The following NTNG1 variants were observed in gnomAD, a reference collection of about 807,000 sequenced individuals.
The protein encoded by NTNG1 is netrin G1, also known as netrin-G1.
NTNG1 carries 16 observed loss-of-function variants against 54.0 expected under a neutral mutation model. That is an observed-to-expected ratio of 0.30 (90% confidence interval 0.20 to 0.45). The LOEUF (loss-of-function observed/expected upper bound fraction) is 0.45, where lower values mean the gene tolerates loss of function less well. NTNG1 is among the 20% of genes least tolerant of loss of function. The probability of loss-of-function intolerance (pLI) is 1.00; values close to 1 mark genes in which losing one functional copy is unlikely to be tolerated. For missense variants in NTNG1, 530 were observed against 678.7 expected (o/e 0.78, Z 2.43); for synonymous variants, 255 against 263.1 (o/e 0.97, Z 0.30).
chr1:107,461,161 T>A (rs1251076123), intron 7 of NTNG1, among the ~76,000 whole-genome samples: 1 of 152,200 alleles, frequency 6.6e-6, no homozygotes, highest in Non-Finnish European at 1.5e-5. Context: ...TAGACCCTGC[T>A]CTCAAGGAGC....
intron 2 of NTNG1, among the ~76,000 whole-genome samples, chr1:107,160,361 A>G (rs752432509): frequency 2.6e-5 from 4 of 152,138 alleles, no homozygotes; most frequent in Non-Finnish European, 1.5e-5. Context: ...TCGTCAAGAT[A>G]TATTGCAAAT....
At chr1:107,307,230 T>G (rs1666747295) in intron 2 of NTNG1, among the ~76,000 whole-genome samples, 1 of 152,236 alleles carries the variant, frequency 6.6e-6, no homozygotes. Flanking sequence ...TGTAAGAGAA[T>G]GGCTTATTCT....
intron 2 of NTNG1, among the ~76,000 whole-genome samples, chr1:107,168,961 A>C (rs1476107199): frequency 6.6e-6 from 1 of 152,128 alleles, no homozygotes; most frequent in Non-Finnish European, 1.5e-5. Flanking sequence ...TTTTCTATTC[A>C]ATCTGTACCC....
intron 3 of NTNG1, among the ~76,000 whole-genome samples, chr1:107,326,460 T>A (rs1008939845): frequency 6.6e-6 from 1 of 152,108 alleles, no homozygotes; most frequent in African/African-American, 2.4e-5. Flanking sequence ...TTATGAACAT[T>A]TTAGCAAAAG....
chr1:107,197,819 G>T (rs929695148), intron 2 of NTNG1, among the ~76,000 whole-genome samples: 9 of 151,960 alleles, frequency 5.9e-5, no homozygotes, highest in African/African-American at 2.2e-4. Flanking sequence ...ATAATCTGGT[G>T]CACCATGGTG....
chr1:107,240,747 A>C (rs556980047), intron 2 of NTNG1, among the ~76,000 whole-genome samples: 59 of 152,326 alleles, frequency 3.9e-4, no homozygotes, highest in African/African-American at 1.4e-3. Context: ...ACTATATGCA[A>C]TATGAACACA....
intron 2 of NTNG1, among the ~76,000 whole-genome samples, chr1:107,257,885 A>C (rs1012518632): frequency 6.6e-6 from 1 of 152,216 alleles, no homozygotes; most frequent in Non-Finnish European, 1.5e-5. Flanking sequence ...TTCCACATTA[A>C]TAATCCAGTT....
chr1:107,169,769 C>T (rs970376497), intron 2 of NTNG1, among the ~76,000 whole-genome samples: 1 of 152,196 alleles, frequency 6.6e-6, no homozygotes, highest in Admixed American at 6.5e-5. Flanking sequence ...ATTAAGACAT[C>T]GAATCTTCAC....
rs118177907 is a variant in NTNG1, at chr1:107,204,266, C to T, written c.246+55427C>T. Among the ~76,000 whole-genome samples, 43 of 152,124 alleles carry T rather than the reference C, an allele frequency of 2.8e-4. No individual in the cohort carries two copies. In the East Asian group the frequency reaches 6.6e-3, roughly 23 times the overall value. On this transcript the variant is annotated intron_variant, in intron 2 of 7. Coordinates refer to ENST00000370068, the MANE Select transcript of NTNG1 (RefSeq NM_001113226.3). The stretch of plus-strand genomic sequence containing the variant: ...ATAGCAGATTAGTTGATGCTATTTC[C>T]GTTGAGTCACGACTGTGAATCCCTG...
chr1:107,317,345 C>T (rs1557893972), intron 2 of NTNG1, among the ~76,000 whole-genome samples: 1 of 152,126 alleles, frequency 6.6e-6, no homozygotes. Flanking sequence ...GTGAAATACT[C>T]TATGAAACCC....
chr1:107,329,229 G>C (rs909815677), intron 3 of NTNG1, among the ~76,000 whole-genome samples: 11 of 152,254 alleles, frequency 7.2e-5, no homozygotes, highest in African/African-American at 2.4e-4. Flanking sequence ...GGCTGCCCCT[G>C]CTCAGAATCA....
chr1:107,354,907 G>T (rs961394621), intron 3 of NTNG1, among the ~76,000 whole-genome samples: 1 of 152,074 alleles, frequency 6.6e-6, no homozygotes, highest in Admixed American at 6.5e-5. Context: ...AGTGTGATGG[G>T]TTTGACATTA....
intron 3 of NTNG1, among the ~76,000 whole-genome samples, chr1:107,329,922 T>C (rs766702458): frequency 1.8e-4 from 27 of 151,942 alleles, no homozygotes; most frequent in Non-Finnish European, 2.9e-4. Context: ...AAAATGATGA[T>C]AATGTGGGTT....
intron 5 of NTNG1, among the ~76,000 whole-genome samples, chr1:107,414,143 T>C (rs1024173018): frequency 6.6e-6 from 1 of 152,184 alleles, no homozygotes; most frequent in African/African-American, 2.4e-5. Flanking sequence ...CTTGACTCAC[T>C]GGGACGTCAG....
Position 107,401,072 on chromosome 1 carries a change from A to G in NTNG1, c.1060+5746A>G, listed in dbSNP as rs1163579605. 4.6e-5 allele frequency among the ~76,000 whole-genome samples: 7 copies of G among 152,326 alleles called. No individual in the cohort carries two copies. The Middle Eastern group carries it at 0.02, about 444-fold the overall frequency. ...CTGGAATATGTGGCCTTCACAGGTC[A>G]CCAGCTCCAACACAAGAGCCTTCAA... On this transcript the variant is annotated intron_variant, in intron 4 of 7. Coordinates refer to ENST00000370068, the MANE Select transcript of NTNG1 (RefSeq NM_001113226.3).
chr1:107,315,913 G>T (rs147283224), intron 2 of NTNG1, among the ~76,000 whole-genome samples: 2 of 152,270 alleles, frequency 1.3e-5, no homozygotes, highest in Non-Finnish European at 2.9e-5. Flanking sequence ...GTAAATAAAA[G>T]ATAGGAATAT....
chr1:107,407,575 C>A, intron 4 of NTNG1, 107 bp from the exon 5 acceptor site: 1 of 855,080 alleles, frequency 1.2e-6, no homozygotes, highest in Non-Finnish European at 1.8e-6. Flanking sequence ...TCTTAATAGT[C>A]TGAATATTAT....
chr1:107,376,323 G>A (rs1309595894), intron 3 of NTNG1, among the ~76,000 whole-genome samples: 3 of 152,128 alleles, frequency 2.0e-5, no homozygotes, highest in African/African-American at 7.2e-5. Context: ...CATGGGAATG[G>A]CGTGAACCCG....
chr1:107,373,910 C>T lies in NTNG1; in HGVS notation c.888-21244C>T, dbSNP rs113718948. On this transcript the variant is annotated intron_variant, in intron 3 of 7. Transcript: ENST00000370068. The stretch of plus-strand genomic sequence containing the variant: ...AAAGACAGGGTCTTGCTTTTTTGCT[C>T]AGGCAGGTCTCAAACACCTGGCTTC... Among the ~76,000 whole-genome samples the T allele has an allele frequency of 1.2e-3, 185 of 152,038 alleles. 1 individual carries two copies. Among genetic ancestry groups the T allele is most frequent in the Non-Finnish European group, 2.3e-3 (155 of 67,950 alleles).
Sources: allele counts gnomAD v4.1 joint callset (sites outside exome capture counted in the v4.1 genomes callset), GRCh38; gene constraint gnomAD v4.1.1; transcripts MANE v1.5; gene names NCBI Gene and HGNC (gene_info 2026-07-23, HGNC 2026-07-21).